SH3KBP1: variants seen among roughly 807,000 people sequenced by gnomAD.
SH3KBP1 encodes the protein SH3 domain containing kinase binding protein 1, also known as SH3 domain-containing kinase-binding protein 1.
A neutral mutation model predicts 50.1 loss-of-function variants in SH3KBP1; 8 were observed. The ratio of observed to expected loss-of-function variants is 0.16; its 90% confidence interval spans 0.09 to 0.29. SH3KBP1 has a LOEUF of 0.29. Among genes scored for constraint, SH3KBP1 ranks in the 10% least tolerant of loss-of-function variants. The probability of loss-of-function intolerance (pLI) is 1.00; values close to 1 mark genes in which losing one functional copy is unlikely to be tolerated. For missense variants in SH3KBP1, 377 were observed against 535.2 expected (o/e 0.70, Z 2.92); for synonymous variants, 227 against 218.6 (o/e 1.04, Z -0.34).
At chrX:19,715,880 G>C (rs753912519) in intron 3 of SH3KBP1, among the ~76,000 whole-genome samples, 7 of 111,023 alleles carry the variant, frequency 6.3e-5, no homozygotes, top group African/African-American at 2.3e-4. Context: ...GAAGATGGAC[G>C]TCTCTGCTAT....
At chrX:19,544,997 A>T (rs966329840) in intron 15 of SH3KBP1, among the ~76,000 whole-genome samples, 2 of 112,502 alleles carry the variant, frequency 1.8e-5, no homozygotes, top group African/African-American at 6.5e-5. Flanking sequence ...CCTTTTATAA[A>T]GAAAGAATGC....
intron 3 of SH3KBP1, among the ~76,000 whole-genome samples, chrX:19,709,959 T>A (rs766507096): frequency 7.2e-5 from 8 of 111,345 alleles, no homozygotes; most frequent in Non-Finnish European, 1.3e-4. Context: ...ATAGCTCACA[T>A]AAACTAAAGG....
At chrX:19,818,075 T>C (rs5909132) in intron 2 of SH3KBP1, among the ~76,000 whole-genome samples, 5,102 of 112,319 alleles carry the variant, frequency 0.045, 126 homozygotes, top group Non-Finnish European at 0.071. Flanking sequence ...TCACCTACGT[T>C]TGTATAAGTA....
intron 1 of SH3KBP1, among the ~76,000 whole-genome samples, chrX:19,879,769 A>G (rs970070634): frequency 2.7e-5 from 3 of 113,055 alleles, no homozygotes; most frequent in African/African-American, 9.6e-5. Context: ...TAAAACGAAG[A>G]CTGTGGTTAC....
intron 4 of SH3KBP1, among the ~76,000 whole-genome samples, chrX:19,702,143 C>A (rs1406204505): frequency 8.9e-6 from 1 of 111,886 alleles, no homozygotes; most frequent in Non-Finnish European, 1.9e-5. Flanking sequence ...CTTCTTTTTG[C>A]AAAGAGATAC....
chrX:19,697,183 A>G (rs2063435674), intron 4 of SH3KBP1, among the ~76,000 whole-genome samples: 1 of 112,305 alleles, frequency 8.9e-6, no homozygotes, highest in Non-Finnish European at 1.9e-5. Flanking sequence ...TCAACTTATG[A>G]TATTTTCAAC....
At chrX:19,802,163 T>G (rs1269330595) in intron 2 of SH3KBP1, among the ~76,000 whole-genome samples, 1 of 109,913 alleles carries the variant, frequency 9.1e-6, no homozygotes, top group African/African-American at 3.3e-5. Context: ...GAGACCCAGG[T>G]GGGCGGATCA....
chrX:19,674,196 T>C (rs2062871667), intron 6 of SH3KBP1, among the ~76,000 whole-genome samples: 1 of 111,367 alleles, frequency 9.0e-6, no homozygotes, highest in Non-Finnish European at 1.9e-5. Context: ...ATCCAAGGTG[T>C]GACTTAGGGT....
intron 12 of SH3KBP1, among the ~76,000 whole-genome samples, chrX:19,583,241 C>T (rs934994919): frequency 1.8e-5 from 2 of 108,363 alleles, no homozygotes; most frequent in Admixed American, 1.0e-4. Flanking sequence ...GCAACCTCTG[C>T]CTCCCGGGTT....
At chrX:19,611,633 T>C (rs982609469) in intron 8 of SH3KBP1, among the ~76,000 whole-genome samples, 1 of 111,690 alleles carries the variant, frequency 9.0e-6, no homozygotes, top group African/African-American at 3.3e-5. Flanking sequence ...GGATTATAGG[T>C]GTGAGCCACC....
At chrX:19,577,814 C>T (rs904185648) in intron 12 of SH3KBP1, among the ~76,000 whole-genome samples, 6 of 111,167 alleles carry the variant, frequency 5.4e-5, no homozygotes, top group Non-Finnish European at 5.7e-5. Context: ...GCAAATCTAC[C>T]GATTGCTACT....
At chrX:19,802,083 G>C (rs2066909505) in intron 2 of SH3KBP1, among the ~76,000 whole-genome samples, 1 of 108,790 alleles carries the variant, frequency 9.2e-6, no homozygotes. Flanking sequence ...GTCTCGGGGA[G>C]GGGTGGCCAG....
chrX:19,542,132 C>A lies in SH3KBP1; in HGVS notation c.1685G>T (p.Gly562Val). ...KPGTMAAGGG[G>V]PAPLSSAAPS... ...CGCCGCTGAGGACAGAGGGGCTGGC[C>A]CACCGCCACCTGCTGCCATGGTCCC... Residue 562 changes from glycine (G) to valine (V), a missense_variant, in exon 16 of 18, where the codon GGG (glycine) becomes GTG (valine). Physicochemically the swap from Gly to Val is moderately radical, Grantham distance 109. Coordinates refer to ENST00000397821, the MANE Select transcript of SH3KBP1 (RefSeq NM_031892.3). 1 of 1,199,842 alleles carries A rather than the reference C, an allele frequency of 8.3e-7. No homozygotes were observed. The highest frequency in any genetic ancestry group is 1.1e-6 in the Non-Finnish European group (1 of 888,543).
At chrX:19,587,612 C>T (rs774784295) in intron 12 of SH3KBP1, among the ~76,000 whole-genome samples, 28 of 112,064 alleles carry the variant, frequency 2.5e-4, no homozygotes, top group African/African-American at 8.8e-4. Context: ...TGTTGATTTG[C>T]ATACTTGGGA....
intron 6 of SH3KBP1, among the ~76,000 whole-genome samples, chrX:19,668,852 T>C (rs1410119842): frequency 6.1e-5 from 2 of 32,767 alleles, no homozygotes; most frequent in African/African-American, 4.5e-4. Flanking sequence ...AGACTGTGTC[T>C]CAAAAAAAAA....
chrX:19,762,170 G>A (rs1329510656), intron 2 of SH3KBP1, among the ~76,000 whole-genome samples: 2 of 112,783 alleles, frequency 1.8e-5, no homozygotes, highest in Non-Finnish European at 3.7e-5. Flanking sequence ...GGCGTAGGCC[G>A]AACTAACCTT....
At chrX:19,732,121 G>A (rs2064398223) in intron 3 of SH3KBP1, among the ~76,000 whole-genome samples, 1 of 111,018 alleles carries the variant, frequency 9.0e-6, no homozygotes, top group African/African-American at 3.3e-5. Flanking sequence ...TTCAATTGAC[G>A]CATAATAATT....
chrX:19,585,266 A>G (rs1279659274), intron 12 of SH3KBP1, among the ~76,000 whole-genome samples: 1 of 111,649 alleles, frequency 9.0e-6, no homozygotes, highest in East Asian at 2.8e-4. Flanking sequence ...GGACGACAGG[A>G]GAGGCAAAAT....
chrX:19,684,809 TC>T (rs1177847006), intron 5 of SH3KBP1, among the ~76,000 whole-genome samples: 1 of 112,015 alleles, frequency 8.9e-6, no homozygotes, highest in African/African-American at 3.3e-5. Flanking sequence ...ATGACACTCT[TC>T]CTTTGATCTT....
Sources: gnomAD v4.1 joint callset for allele counts (sites outside exome capture counted in the v4.1 genomes callset) on GRCh38, gnomAD v4.1.1 for gene constraint, MANE v1.5 for transcripts, NCBI Gene and HGNC (gene_info 2026-07-23, HGNC 2026-07-21) for gene names.